Variants in SASH1 observed in about 807,000 individuals in gnomAD.
The protein encoded by SASH1 is SAM and SH3 domain containing 1.
Under a neutral mutation model 125.2 loss-of-function variants are expected in SASH1, and 44 were observed. That is an observed-to-expected ratio of 0.35 (90% CI 0.28 to 0.45). SASH1 has a LOEUF of 0.45. Ranked by LOEUF, SASH1 falls within the 20% of genes least tolerant of loss-of-function variation. The pLI, the probability that SASH1 is intolerant of heterozygous loss-of-function variation, is 1.00. For missense variants in SASH1, 1,426 were observed against 1,614.5 expected (o/e 0.88, Z 2.00); for synonymous variants, 639 against 649.1 (o/e 0.98, Z 0.24).
intron 2 of SASH1, among the ~76,000 whole-genome samples, chr6:148,401,784 GT>G (rs990213497): frequency 1.4e-5 from 2 of 143,682 alleles, no homozygotes; most frequent in Non-Finnish European, 1.6e-5. Flanking sequence ...GGATGTGTGT[GT>G]GGGGGGGTGT....
intron 1 of SASH1, among the ~76,000 whole-genome samples, chr6:148,304,213 C>T (rs941123230): frequency 2.6e-5 from 4 of 151,424 alleles, no homozygotes; most frequent in Admixed American, 1.3e-4. Flanking sequence ...CCGAGGCGGG[C>T]GGATCACGAG....
intron 1 of SASH1, among the ~76,000 whole-genome samples, chr6:148,313,469 G>A (rs1780390473): frequency 1.3e-5 from 2 of 152,196 alleles, no homozygotes; most frequent in Admixed American, 1.3e-4. Flanking sequence ...CTTCTGGGTA[G>A]AAAATACTGC....
intron 2 of SASH1, among the ~76,000 whole-genome samples, chr6:148,424,258 G>A (rs1331602367): frequency 2.0e-5 from 3 of 151,062 alleles, no homozygotes; most frequent in Non-Finnish European, 4.4e-5. Context: ...GGGGGGAGGT[G>A]GGACAGGGTC....
chr6:148,300,317 C>A (rs1209193834), intron 1 of SASH1, among the ~76,000 whole-genome samples: 1 of 152,072 alleles, frequency 6.6e-6, no homozygotes, highest in African/African-American at 2.4e-5. Flanking sequence ...TTTCCTGTGC[C>A]CATCGGATGC....
At chr6:148,482,132 A>G (rs74676195) in intron 7 of SASH1, among the ~76,000 whole-genome samples, 1,973 of 152,330 alleles carry the variant, frequency 0.013, 33 homozygotes, top group African/African-American at 0.043. Flanking sequence ...GGTGGAAGAT[A>G]AGAGGGAAGG....
At chr6:148,273,982 G>A (rs529336449) in intron 1 of SASH1, among the ~76,000 whole-genome samples, 16 of 152,342 alleles carry the variant, frequency 1.1e-4, no homozygotes, top group African/African-American at 3.8e-4. Flanking sequence ...GGCTTTGCTT[G>A]GGCAAATTTC....
intron 17 of SASH1, among the ~76,000 whole-genome samples, chr6:148,541,381 A>G (rs550568102): frequency 6.6e-6 from 1 of 152,034 alleles, no homozygotes; most frequent in Non-Finnish European, 1.5e-5. Flanking sequence ...TCATGAAAGC[A>G]GTTTAGTGGG....
chr6:148,414,516 A>C (rs1384415625), intron 2 of SASH1, among the ~76,000 whole-genome samples: 3 of 152,208 alleles, frequency 2.0e-5, no homozygotes, highest in African/African-American at 4.8e-5. Flanking sequence ...TGGAGGCTGC[A>C]GTGAGAACTA....
intron 2 of SASH1, among the ~76,000 whole-genome samples, chr6:148,439,735 C>A (rs1481788915): frequency 6.6e-6 from 1 of 151,880 alleles, no homozygotes; most frequent in Non-Finnish European, 1.5e-5. Context: ...CGAGGTCATG[C>A]CACTGCACTC....
At chr6:148,275,127 A>G (rs914563415) in intron 1 of SASH1, among the ~76,000 whole-genome samples, 1 of 152,240 alleles carries the variant, frequency 6.6e-6, no homozygotes, top group Non-Finnish European at 1.5e-5. Flanking sequence ...ATGCAAATTT[A>G]TCCTAAAATA....
At chr6:148,259,396 T>C in the SASH1 span, among the ~76,000 whole-genome samples, 1 of 152,300 alleles carries the variant, frequency 6.6e-6, no homozygotes, top group African/African-American at 2.4e-5. Context: ...GAAGTCCAGA[T>C]AGCACTCTTG....
At chr6:148,462,394 A>G (rs907679996) in intron 4 of SASH1, among the ~76,000 whole-genome samples, 16 of 151,616 alleles carry the variant, frequency 1.1e-4, no homozygotes, top group Admixed American at 5.3e-4. Flanking sequence ...ATGCTTGGCC[A>G]TTCATTGCAC....
intron 9 of SASH1, among the ~76,000 whole-genome samples, chr6:148,515,279 C>T (rs1290083927): frequency 6.6e-6 from 1 of 152,010 alleles, no homozygotes; most frequent in African/African-American, 2.4e-5. Flanking sequence ...AAACACCTTA[C>T]TTGTTAAAAT....
the SASH1 span, among the ~76,000 whole-genome samples, chr6:148,243,751 C>T: frequency 2.7e-5 from 4 of 150,164 alleles, no homozygotes; most frequent in Admixed American, 6.7e-5. Context: ...CCTAAACAAA[C>T]GTGACAGTCA....
intron 1 of SASH1, among the ~76,000 whole-genome samples, chr6:148,349,587 G>T (rs2114658974): frequency 6.6e-6 from 1 of 152,134 alleles, no homozygotes; most frequent in Admixed American, 6.5e-5. Flanking sequence ...ACTTTTGTAG[G>T]CGATGGGGTG....
chr6:148,383,891 G>C (rs139930298), intron 1 of SASH1, among the ~76,000 whole-genome samples: 1 of 152,126 alleles, frequency 6.6e-6, no homozygotes, highest in Non-Finnish European at 1.5e-5. Context: ...TGAACTGCTC[G>C]GTACAATGCC....
chr6:148,516,718 A>G (rs539967647), intron 9 of SASH1, among the ~76,000 whole-genome samples: 1 of 150,830 alleles, frequency 6.6e-6, no homozygotes, highest in Non-Finnish European at 1.5e-5. Flanking sequence ...CATTTCGAAA[A>G]TGAGGAACCT....
At chr6:148,449,474 A>C (rs1398658582) in intron 4 of SASH1, among the ~76,000 whole-genome samples, 2 of 138,478 alleles carry the variant, frequency 1.4e-5, no homozygotes, top group Non-Finnish European at 3.1e-5. Context: ...TGCAACCTCC[A>C]CCCATTGGGT....
chr6:148,414,701 T>C (rs1225904566), intron 2 of SASH1, among the ~76,000 whole-genome samples: 1 of 152,150 alleles, frequency 6.6e-6, no homozygotes, highest in African/African-American at 2.4e-5. Context: ...GGTCTTGTTT[T>C]GTCGCCCAGG....
Sources: allele counts gnomAD v4.1 joint callset (sites outside exome capture counted in the v4.1 genomes callset), GRCh38; gene constraint gnomAD v4.1.1; transcripts MANE v1.5; gene names NCBI Gene and HGNC (gene_info 2026-07-23, HGNC 2026-07-21).